The following LRIG3 variants were observed in gnomAD, a reference collection of about 807,000 sequenced individuals.
The protein encoded by LRIG3 is leucine rich repeats and immunoglobulin like domains 3.
A neutral mutation model predicts 114.5 loss-of-function variants in LRIG3; 76 were observed. The observed-to-expected ratio is 0.66, with a 90% confidence interval of 0.55 to 0.80. The LOEUF is 0.80. LRIG3 is among the 30% of genes least tolerant of loss of function. LRIG3 has a pLI of 0.00. For synonymous variants in LRIG3, 512 were observed against 519.8 expected (o/e 0.98, Z 0.20); for missense variants, 1,239 against 1,382.8 (o/e 0.90, Z 1.65).
intron 3 of LRIG3, among the ~76,000 whole-genome samples, chr12:58,896,374 T>C (rs1387033929): frequency 1.3e-5 from 2 of 152,252 alleles, no homozygotes; most frequent in African/African-American, 4.8e-5. Context: ...GGTGTTAGTT[T>C]AATTCCAGGG....
At chr12:58,878,128 G>A (rs1438207512) in intron 14 of LRIG3, among the ~76,000 whole-genome samples, 2 of 152,088 alleles carry the variant, frequency 1.3e-5, no homozygotes, top group Non-Finnish European at 2.9e-5. Context: ...AGTAGGGGGG[G>A]AGAGTGGGAA....
At chr12:58,919,634 T>A (rs1157027573) in intron 1 of LRIG3, 2 of 1,447,378 alleles carry the variant, frequency 1.4e-6, no homozygotes, top group African/African-American at 2.8e-5. Flanking sequence ...AAACTCCTGA[T>A]GTGTGCAGGT....
Position 58,890,681 on chromosome 12 carries a change from G to C in LRIG3, c.499C>G (p.Leu167Val). 6.3e-7 allele frequency: 1 copy of C among 1,596,262 alleles called. No homozygotes were observed. Among genetic ancestry groups the C allele is most frequent in the Non-Finnish European group, 8.5e-7 (1 of 1,172,838 alleles). Residue 167 changes from leucine to valine, a missense_variant, in exon 4 of 19, where the codon CTA becomes GTA. By Grantham distance (32) the Leu-to-Val change is conservative. Transcript: ENST00000320743. ...ISELQTAFPALQLKYLYLNSN... is the reference protein window; with the variant it reads ...ISELQTAFPAVQLKYLYLNSN... ...TTCACTTACAGATATTTGAGCTGTA[G>C]GGCTGGAAATGCAGTTTGGAGCTCT...
chr12:58,883,425 G>C (rs1713241408), intron 11 of LRIG3, 95 bp downstream of exon 11: 2 of 781,018 alleles, frequency 2.6e-6, no homozygotes, highest in African/African-American at 3.5e-5. Context: ...GAATGTGCCA[G>C]GCACTTTTTA....
intron 12 of LRIG3, among the ~76,000 whole-genome samples, chr12:58,881,894 A>G (rs1404334727): frequency 3.3e-5 from 5 of 152,234 alleles, no homozygotes; most frequent in African/African-American, 1.2e-4. Flanking sequence ...GATACTATAC[A>G]TGTGTTTCAA....
chr12:58,897,655 C>G (rs1203895078), intron 3 of LRIG3, among the ~76,000 whole-genome samples: 1 of 152,126 alleles, frequency 6.6e-6, no homozygotes, highest in Non-Finnish European at 1.5e-5. Context: ...CAAAACAGCC[C>G]TTCTTTGATC....
chr12:58,887,832 T>G lies in LRIG3; in HGVS notation c.1048A>C (p.Ile350Leu). ...LHIGNNRVSY[I>L]ADCAFRGLSS... ...AGCCCCCGGAAGGCACAATCAGCAA[T>G]GTAGCTGACTCTGTTGTTCCCAATG... Residue 350 changes from isoleucine (I) to leucine (L), a missense_variant, in exon 8 of 19, where the codon ATT (isoleucine) becomes CTT (leucine). Coordinates refer to ENST00000320743, the MANE Select transcript of LRIG3 (RefSeq NM_153377.5). The G allele has an allele frequency of 6.2e-7, 1 of 1,613,800 alleles. No individual in the cohort carries two copies. The highest frequency in any genetic ancestry group is 8.5e-7 in the Non-Finnish European group (1 of 1,179,782).
intron 3 of LRIG3, among the ~76,000 whole-genome samples, chr12:58,905,842 A>G (rs910475542): frequency 6.6e-6 from 1 of 152,204 alleles, no homozygotes; most frequent in African/African-American, 2.4e-5. Flanking sequence ...GAGGCCCATC[A>G]ACCTTGGACT....
intron 14 of LRIG3, 23 bp downstream of exon 14, chr12:58,878,801 A>C: frequency 6.2e-7 from 1 of 1,602,750 alleles, no homozygotes; most frequent in South Asian, 1.1e-5. Flanking sequence ...TTTATACTAC[A>C]GAATCTTAAC....
chr12:58,886,294 G>A (rs1026955870), intron 9 of LRIG3, among the ~76,000 whole-genome samples: 2 of 151,884 alleles, frequency 1.3e-5, no homozygotes, highest in African/African-American at 2.4e-5. Flanking sequence ...AGGAGTTTGG[G>A]ACTATAGGGA....
chr12:58,872,506 C>A lies in LRIG3; in HGVS notation c.*66G>T. On this transcript the variant is annotated 3_prime_UTR_variant, in exon 19 of 19. Transcript: ENST00000320743. ...AACTCCATTTAAAAAACATAAGATTCTCTCTCTTTTAAATAAAAGTTCACT... is the reference window on the plus strand; with the variant it reads ...AACTCCATTTAAAAAACATAAGATTATCTCTCTTTTAAATAAAAGTTCACT... 1.4e-6 allele frequency: 2 copies of A among 1,442,376 alleles called. No homozygotes were observed. The highest frequency in any genetic ancestry group is 1.8e-6 in the Non-Finnish European group (2 of 1,085,934). The allele number at this position is 1,442,376 out of a possible 1,614,324, so 89.3% of individuals were successfully genotyped here.
intron 3 of LRIG3, among the ~76,000 whole-genome samples, chr12:58,912,356 CG>C (rs1303235213): frequency 6.6e-6 from 1 of 152,088 alleles, no homozygotes; most frequent in African/African-American, 2.4e-5. Flanking sequence ...ACTAGCCGGG[CG>C]TAGTGGCGGA....
At chr12:58,916,660 C>G (rs1016227580) in intron 1 of LRIG3, among the ~76,000 whole-genome samples, 2 of 152,138 alleles carry the variant, frequency 1.3e-5, no homozygotes, top group Non-Finnish European at 2.9e-5. Context: ...CCCCACAAAA[C>G]TTTTACAAAA....
intron 4 of LRIG3, 75 bp downstream of exon 4, chr12:58,890,590 T>C: frequency 1.4e-6 from 2 of 1,394,170 alleles, no homozygotes; most frequent in Non-Finnish European, 9.6e-7. Context: ...GTAGACAAAG[T>C]TTGTTATATC....
chr12:58,913,482 T>C (rs952356463), intron 3 of LRIG3: 1 of 152,354 alleles, frequency 6.6e-6, no homozygotes, highest in African/African-American at 2.4e-5. Context: ...GTCACATATT[T>C]ACTTTTTTTG....
At chr12:58,873,506 A>G (rs1484395930) in intron 18 of LRIG3, 2 of 157,028 alleles carry the variant, frequency 1.3e-5, no homozygotes, top group African/African-American at 4.8e-5. Flanking sequence ...CCCATGCATC[A>G]GACGAAAAAA....
Position 58,890,654 on chromosome 12 carries a change from A to T in LRIG3, c.515+11T>A, listed in dbSNP as rs900707163. ...CAGGTGAAAGTTTTTGCTAAAGAAA[A>T]CTTCACTTACAGATATTTGAGCTGT... On this transcript the variant is annotated intron_variant, in intron 4 of 18. Transcript: ENST00000320743. The T allele has an allele frequency of 1.3e-6, 2 of 1,550,520 alleles. No individual in the cohort carries two copies. Among genetic ancestry groups the T allele is most frequent in the African/African-American group, 2.8e-5 (2 of 71,500 alleles).
rs544690681 is a variant in LRIG3, at chr12:58,918,022, T to C, written c.236+1978A>G. Among the ~76,000 whole-genome samples, 92 of 152,190 alleles carry C rather than the reference T, an allele frequency of 6.0e-4. 1 individual carries two copies. The South Asian group carries it at 0.018, about 30-fold the overall frequency. On this transcript the variant is annotated intron_variant, in intron 1 of 18. Transcript: ENST00000320743. Reference sequence around the variant, plus strand: ...GCTTTAGGTACAAACAAAAGAAATATTTACAATAAAGAATCCAGACCACAT... The same window carrying C: ...GCTTTAGGTACAAACAAAAGAAATACTTACAATAAAGAATCCAGACCACAT...
At chr12:58,880,305 A>G (rs1375048475) in intron 13 of LRIG3, 19 of 524,954 alleles carry the variant, frequency 3.6e-5, no homozygotes, top group South Asian at 2.6e-4. Flanking sequence ...GTCTCAAAAA[A>G]AAAAAAAAGA....
Sources: allele counts gnomAD v4.1 joint callset (sites outside exome capture counted in the v4.1 genomes callset), GRCh38; gene constraint gnomAD v4.1.1; transcripts MANE v1.5; gene names NCBI Gene and HGNC (gene_info 2026-07-23, HGNC 2026-07-21).